The following CRTAC1 variants were observed in gnomAD, a reference collection of about 807,000 sequenced individuals.
CRTAC1 encodes cartilage acidic protein 1, also known as acidic secreted protein in cartilage.
CRTAC1 carries 37 observed loss-of-function variants against 67.8 expected under a neutral mutation model. The observed-to-expected ratio is 0.55, with a 90% CI of 0.42 to 0.72. The LOEUF is 0.72. Among genes scored for constraint, CRTAC1 ranks in the 30% least tolerant of loss-of-function variants. The probability of loss-of-function intolerance (pLI) is 0.00; values close to 1 mark genes in which losing one functional copy is unlikely to be tolerated. For missense variants in CRTAC1, 780 were observed against 931.6 expected (o/e 0.84, Z 2.12); for synonymous variants, 348 against 371.0 (o/e 0.94, Z 0.71).
At chr10:97,925,340 G>T (rs2050896862) in intron 3 of CRTAC1, among the ~76,000 whole-genome samples, 1 of 152,092 alleles carries the variant, frequency 6.6e-6, no homozygotes, top group Non-Finnish European at 1.5e-5. Context: ...AGAATGAGTG[G>T]TAGGTGTGAG....
intron 14 of CRTAC1, chr10:97,867,634 G>T (rs2050044082): frequency 1.3e-5 from 2 of 152,266 alleles, no homozygotes; most frequent in African/African-American, 4.8e-5. Context: ...GGGCCCCTGT[G>T]GGGCTGGGCA....
At position 97,938,146 on chromosome 10, in the gene CRTAC1, T is replaced by C. The variant is rs143886278; in HGVS notation, c.225-1780A>G. ...GTCAGCGCCCGGTGATGGAAGGTCATGCCTTAGACACCTTGATGAAGAGTG... is the reference window on the plus strand; with the variant it reads ...GTCAGCGCCCGGTGATGGAAGGTCACGCCTTAGACACCTTGATGAAGAGTG... On this transcript the variant is annotated intron_variant, in intron 2 of 14. Coordinates refer to ENST00000370597, the MANE Select transcript of CRTAC1 (RefSeq NM_018058.7). Among the ~76,000 whole-genome samples, 627 of 152,282 alleles carry C rather than the reference T, an allele frequency of 4.1e-3. 3 individuals carry two copies. Among genetic ancestry groups the C allele is most frequent in the African/African-American group, 0.014 (567 of 41,548 alleles).
intron 2 of CRTAC1, 125 bp from the exon 3 acceptor site, chr10:97,936,491 T>G (rs778246442): frequency 1.4e-6 from 1 of 699,704 alleles, no homozygotes; most frequent in Non-Finnish European, 2.3e-6. Flanking sequence ...CCTGGAGTGT[T>G]CCCAGGGAAC....
chr10:97,924,536 C>A (rs575324836), intron 3 of CRTAC1, among the ~76,000 whole-genome samples: 16 of 152,234 alleles, frequency 1.1e-4, no homozygotes, highest in Admixed American at 8.5e-4. Context: ...GATCTGGAGC[C>A]CCAGTGTTGG....
chr10:97,925,486 G>A (rs1320456965), intron 3 of CRTAC1, among the ~76,000 whole-genome samples: 1 of 151,600 alleles, frequency 6.6e-6, no homozygotes, highest in Non-Finnish European at 1.5e-5. Context: ...TGAGAGAGTG[G>A]GCATGAGTGA....
intron 5 of CRTAC1, among the ~76,000 whole-genome samples, chr10:97,914,240 T>C (rs2050727734): frequency 6.6e-6 from 1 of 152,094 alleles, no homozygotes; most frequent in Non-Finnish European, 1.5e-5. Context: ...ACACAGAGAA[T>C]GTTTCCCAGG....
chr10:98,007,203 T>C (rs1432525013), intron 2 of CRTAC1, among the ~76,000 whole-genome samples: 1 of 152,146 alleles, frequency 6.6e-6, no homozygotes, highest in Non-Finnish European at 1.5e-5. Context: ...TGGATTACAG[T>C]AGGATTGCCA....
intron 14 of CRTAC1, chr10:97,879,595 G>A (rs369486428): frequency 2.9e-5 from 43 of 1,478,936 alleles, no homozygotes; most frequent in African/African-American, 2.4e-4. Context: ...CCTACTGGGC[G>A]TGGAGAGAGA....
intron 5 of CRTAC1, among the ~76,000 whole-genome samples, chr10:97,916,902 C>CAA (rs1170314154): frequency 1.3e-5 from 2 of 152,114 alleles, no homozygotes; most frequent in African/African-American, 4.8e-5. Flanking sequence ...ATCTCCCTGT[C>CAA]AGAGAGTCTG....
In CRTAC1 at chr10:97,936,299, C is replaced by A; in HGVS notation, c.292G>T (p.Asp98Tyr). The A allele has an allele frequency of 6.2e-7, 1 of 1,613,822 alleles. No individual in the cohort carries two copies. Among genetic ancestry groups the A allele is most frequent in the Non-Finnish European group, 8.5e-7 (1 of 1,179,750 alleles). ...AQKRLVNIAV[D>Y]ERSSPYYALR... The stretch of plus-strand genomic sequence containing the variant: ...GCGTAGTAGGGTGAGCTGCGCTCAT[C>A]GACCGCGATGTTCACCAGCCGCTTC... Residue 98 changes from aspartate (D) to tyrosine (Y), a missense_variant, in exon 3 of 15, where the codon GAT (aspartate) becomes TAT (tyrosine). Asp to Tyr is a radical substitution (Grantham distance 160). Transcript: ENST00000370597.
Position 97,984,614 on chromosome 10 carries a change from C to T in CRTAC1, c.224+26524G>A, listed in dbSNP as rs575282346. ...TACAGGGTCTGGTGTTCTTGCATGA[C>T]GTGGAAACAAGGCTCCCAAGGTCAT... On this transcript the variant is annotated intron_variant, in intron 2 of 14. Coordinates refer to ENST00000370597, the MANE Select transcript of CRTAC1 (RefSeq NM_018058.7). 7.2e-5 allele frequency among the ~76,000 whole-genome samples: 11 copies of T among 152,324 alleles called. No homozygotes were observed. The East Asian group carries it at 7.7e-4, about 11-fold the overall frequency.
intron 14 of CRTAC1, among the ~76,000 whole-genome samples, chr10:97,876,959 T>G (rs1349686576): frequency 7.0e-6 from 1 of 142,458 alleles, no homozygotes; most frequent in African/African-American, 2.6e-5. Flanking sequence ...TTTTTTTTTT[T>G]TTTTTTTTTT....
intron 2 of CRTAC1, among the ~76,000 whole-genome samples, chr10:98,005,932 C>T (rs1335652619): frequency 6.6e-6 from 1 of 152,156 alleles, no homozygotes; most frequent in Non-Finnish European, 1.5e-5. Flanking sequence ...CACTGCTTTA[C>T]AGTATATAGC....
At chr10:98,020,370 T>A (rs1843091178) in intron 1 of CRTAC1, among the ~76,000 whole-genome samples, 1 of 152,162 alleles carries the variant, frequency 6.6e-6, no homozygotes, top group Non-Finnish European at 1.5e-5. Context: ...GTAACCCACT[T>A]AATACACATA....
intron 5 of CRTAC1, 51 bp downstream of exon 5, chr10:97,917,449 C>T: frequency 1.4e-6 from 2 of 1,388,742 alleles, no homozygotes; most frequent in Non-Finnish European, 1.9e-6. Flanking sequence ...AGGGCCCTGG[C>T]CCCCAGCCCC....
At position 97,904,699 on chromosome 10, in the gene CRTAC1, T is replaced by G; in HGVS notation, c.966A>C (p.Gln322His). 6.3e-7 allele frequency: 1 copy of G among 1,590,520 alleles called. No homozygotes were observed. ...AGCGGACCTTCCCATGGGTGCTCATTTGCAGATAGAGGCGGTGGGGGCCAT... is the reference window on the plus strand; with the variant it reads ...AGCGGACCTTCCCATGGGTGCTCATGTGCAGATAGAGGCGGTGGGGGCCAT... ...NWNGPHRLYL[Q>H]MSTHGKVRFR... is the part of the protein sequence containing the mutation. The change falls in exon 7 of 15, where the codon CAA becomes CAC. Residue 322 changes from glutamine to histidine, a missense_variant. Gln to His is a conservative substitution (Grantham distance 24). Transcript: ENST00000370597.
At chr10:97,956,190 T>C (rs1244983447) in intron 2 of CRTAC1, among the ~76,000 whole-genome samples, 2 of 152,260 alleles carry the variant, frequency 1.3e-5, no homozygotes, top group Non-Finnish European at 2.9e-5. Flanking sequence ...CAGGTTCTGA[T>C]AGAATTTTAG....
chr10:97,870,895 G>GC (rs994414205), intron 14 of CRTAC1: 2 of 152,184 alleles, frequency 1.3e-5, no homozygotes, highest in African/African-American at 4.8e-5. Flanking sequence ...CATATTATGT[G>GC]CCGTTATCTG....
intron 2 of CRTAC1, among the ~76,000 whole-genome samples, chr10:97,937,007 A>G (rs2051099867): frequency 6.6e-6 from 1 of 152,172 alleles, no homozygotes; most frequent in Non-Finnish European, 1.5e-5. Flanking sequence ...TCTCTCGACA[A>G]AGTCCCTGCA....
Sources: allele counts gnomAD v4.1 joint callset (sites outside exome capture counted in the v4.1 genomes callset), GRCh38; gene constraint gnomAD v4.1.1; transcripts MANE v1.5; gene names NCBI Gene and HGNC (gene_info 2026-07-23, HGNC 2026-07-21).